SGCZ: variants seen among roughly 807,000 people sequenced by gnomAD.
SGCZ encodes the protein zeta-sarcoglycan.
Under a neutral mutation model 41.3 loss-of-function variants are expected in SGCZ, and 40 were observed. The observed-to-expected ratio is 0.97, with a 90% CI of 0.75 to 1.26. SGCZ has a LOEUF of 1.26. SGCZ is among the 50% of genes most tolerant of loss of function. The probability of loss-of-function intolerance (pLI) is 0.00; values close to 1 mark genes in which losing one functional copy is unlikely to be tolerated. For missense variants in SGCZ, 552 were observed against 369.8 expected (o/e 1.49, Z -4.04); for synonymous variants, 206 against 137.5 (o/e 1.50, Z -3.49).
At position 14,088,073 on chromosome 8, in the gene SGCZ, T is replaced by C. The variant is rs1281544061; in HGVS notation, c.*2370A>G. 2.6e-5 allele frequency among the ~76,000 whole-genome samples: 4 copies of C among 151,252 alleles called. No homozygotes were observed. Among genetic ancestry groups the C allele is most frequent in the Non-Finnish European group, 5.9e-5 (4 of 67,638 alleles). On this transcript the variant is annotated 3_prime_UTR_variant, in exon 8 of 8. Coordinates refer to ENST00000382080, the MANE Select transcript of SGCZ (RefSeq NM_139167.4). Reference sequence around the variant, plus strand: ...CGGTTTTTACATCTTTTTTTCTCACTTTTTTTTTCATCTTTTCTCCTCTTA... The same window carrying C: ...CGGTTTTTACATCTTTTTTTCTCACCTTTTTTTTCATCTTTTCTCCTCTTA...
intron 4 of SGCZ, among the ~76,000 whole-genome samples, chr8:14,202,767 A>C (rs1338193096): frequency 2.0e-5 from 3 of 152,100 alleles, no homozygotes; most frequent in Non-Finnish European, 4.4e-5. Flanking sequence ...TCCTAAACAG[A>C]TCTCTCCTGA....
At chr8:14,639,139 A>T (rs112924295) in intron 1 of SGCZ, among the ~76,000 whole-genome samples, 1,518 of 148,280 alleles carry the variant, frequency 0.01, 21 homozygotes, top group African/African-American at 0.034. Flanking sequence ...CTTGCCTCCC[A>T]GGTTCAAGTG....
intron 2 of SGCZ, among the ~76,000 whole-genome samples, chr8:14,384,361 C>G (rs185945687): frequency 2.0e-5 from 3 of 151,956 alleles, no homozygotes; most frequent in Non-Finnish European, 2.9e-5. Flanking sequence ...AGATTTGGAA[C>G]CAACCCAAAT....
intron 3 of SGCZ, among the ~76,000 whole-genome samples, chr8:14,265,720 G>A (rs1799844985): frequency 1.3e-5 from 2 of 151,010 alleles, no homozygotes; most frequent in African/African-American, 4.9e-5. Context: ...CCAAGAAAAT[G>A]TAGAGAGACA....
intron 1 of SGCZ, among the ~76,000 whole-genome samples, chr8:14,634,575 A>G (rs1806767286): frequency 6.6e-6 from 1 of 151,860 alleles, no homozygotes. Context: ...ACTTGAGCAA[A>G]ACCAGGTAAC....
chr8:14,543,956 G>A (rs1312727438), intron 2 of SGCZ, among the ~76,000 whole-genome samples: 7 of 152,084 alleles, frequency 4.6e-5, no homozygotes, highest in Admixed American at 1.3e-4. Context: ...CATCACCAGT[G>A]TTTGTGAGAA....
At chr8:14,226,502 A>G (rs1468191075) in intron 4 of SGCZ, among the ~76,000 whole-genome samples, 1 of 152,062 alleles carries the variant, frequency 6.6e-6, no homozygotes, top group Non-Finnish European at 1.5e-5. Context: ...AAACTGCCAG[A>G]CTGACTTATT....
chr8:14,429,989 G>A (rs1382035096), intron 2 of SGCZ, among the ~76,000 whole-genome samples: 1 of 151,856 alleles, frequency 6.6e-6, no homozygotes, highest in Non-Finnish European at 1.5e-5. Flanking sequence ...TATTTCTGTG[G>A]TGTCAGCTGT....
intron 1 of SGCZ, among the ~76,000 whole-genome samples, chr8:14,672,984 G>T (rs1022141434): frequency 6.6e-6 from 1 of 152,174 alleles, no homozygotes; most frequent in African/African-American, 2.4e-5. Context: ...GTGTTGCTGT[G>T]TTTCAAGCAA....
intron 2 of SGCZ, among the ~76,000 whole-genome samples, chr8:14,379,761 T>A (rs1161990447): frequency 6.6e-6 from 1 of 152,096 alleles, no homozygotes; most frequent in Non-Finnish European, 1.5e-5. Context: ...AGAAAGAGTC[T>A]TACTCTGCTG....
chr8:14,164,527 T>C, intron 5 of SGCZ, 53 bp downstream of exon 5: 2 of 1,605,796 alleles, frequency 1.2e-6, no homozygotes, highest in Admixed American at 3.4e-5. Flanking sequence ...CCTTGTGCAG[T>C]TGTATATTCT....
chr8:14,341,100 C>G (rs1271246921), intron 2 of SGCZ, among the ~76,000 whole-genome samples: 1 of 152,136 alleles, frequency 6.6e-6, no homozygotes, highest in Non-Finnish European at 1.5e-5. Flanking sequence ...TAGCATGTGT[C>G]AAAATTTCCT....
chr8:15,097,629 G>A (rs1397430729), intron 1 of SGCZ, among the ~76,000 whole-genome samples: 22 of 151,178 alleles, frequency 1.5e-4, no homozygotes, highest in African/African-American at 7.3e-5. Flanking sequence ...AATGTTGACT[G>A]CCTGTAGTAC....
intron 2 of SGCZ, among the ~76,000 whole-genome samples, chr8:14,383,170 C>G (rs969164541): frequency 3.3e-5 from 5 of 152,156 alleles, no homozygotes; most frequent in African/African-American, 1.2e-4. Flanking sequence ...ATAAATCAAG[C>G]TGAAGTTCCT....
intron 1 of SGCZ, among the ~76,000 whole-genome samples, chr8:15,002,542 C>T (rs187427790): frequency 7.2e-5 from 11 of 151,944 alleles, no homozygotes; most frequent in Admixed American, 4.6e-4. Context: ...ACTGACAAGT[C>T]GCTGGTAGGT....
At chr8:14,860,420 A>C (rs575999867) in intron 1 of SGCZ, among the ~76,000 whole-genome samples, 54 of 151,670 alleles carry the variant, frequency 3.6e-4, no homozygotes, top group Non-Finnish European at 4.6e-4. Flanking sequence ...GAAGTGAGAA[A>C]AATGGAGGGA....
At chr8:14,176,355 CA>C (rs958388825) in intron 4 of SGCZ, among the ~76,000 whole-genome samples, 3 of 151,956 alleles carry the variant, frequency 2.0e-5, no homozygotes, top group Admixed American at 1.3e-4. Flanking sequence ...AAATGAAAAA[CA>C]AAAAGTAACT....
chr8:14,268,850 C>T (rs866250926), intron 3 of SGCZ, among the ~76,000 whole-genome samples: 17 of 151,704 alleles, frequency 1.1e-4, no homozygotes, highest in Middle Eastern at 3.6e-3. Context: ...ATGTTAAAAA[C>T]GTATTAGAAT....
intron 2 of SGCZ, among the ~76,000 whole-genome samples, chr8:14,336,310 G>T (rs1802504136): frequency 6.6e-6 from 1 of 151,908 alleles, no homozygotes; most frequent in African/African-American, 2.4e-5. Context: ...TTTTTATTCA[G>T]TCTACAAATG....
Sources: allele counts gnomAD v4.1 joint callset (sites outside exome capture counted in the v4.1 genomes callset), GRCh38; gene constraint gnomAD v4.1.1; transcripts MANE v1.5; gene names NCBI Gene and HGNC (gene_info 2026-07-23, HGNC 2026-07-21).